ANKRD36B: variants seen among roughly 807,000 people sequenced by gnomAD.
ANKRD36B encodes ankyrin repeat domain 36B.
Under a neutral mutation model 135.7 loss-of-function variants are expected in ANKRD36B, and 37 were observed. That is an observed-to-expected ratio of 0.27 (90% CI 0.21 to 0.36). The LOEUF is 0.36. Among genes scored for constraint, ANKRD36B ranks in the 10% least tolerant of loss-of-function variants. ANKRD36B has a pLI of 1.00. For synonymous variants in ANKRD36B, 179 were observed against 348.1 expected (o/e 0.51, Z 5.41); for missense variants, 549 against 1,037.1 (o/e 0.53, Z 6.46).
chr2:97,544,572 G>C (rs1395050013), intron 24 of ANKRD36B, among the ~76,000 whole-genome samples: 1 of 96,344 alleles, frequency 1.0e-5, no homozygotes, highest in Non-Finnish European at 2.8e-5. Context: ...CACCCCTGTG[G>C]TGTAATAATT....
chr2:97,573,767 G>C (rs987733743), intron 6 of ANKRD36B, among the ~76,000 whole-genome samples: 7 of 152,106 alleles, frequency 4.6e-5, no homozygotes, highest in African/African-American at 7.2e-5. Flanking sequence ...TGACAAACCT[G>C]AGAAAAACAA....
intron 6 of ANKRD36B, among the ~76,000 whole-genome samples, chr2:97,563,162 A>G (rs1317787843): frequency 6.6e-6 from 1 of 152,008 alleles, no homozygotes; most frequent in Admixed American, 6.6e-5. Context: ...AATATAACCT[A>G]TTTAAAAACT....
At chr2:97,586,362 G>A (rs1206879698) in intron 1 of ANKRD36B, among the ~76,000 whole-genome samples, 4 of 149,542 alleles carry the variant, frequency 2.7e-5, no homozygotes, top group East Asian at 2.0e-4. Flanking sequence ...GGCAGTTAAA[G>A]GTTATCTTTC....
At chr2:97,547,882 G>A (rs2079631085) in intron 20 of ANKRD36B, among the ~76,000 whole-genome samples, 151 bp from the exon 21 acceptor site, 1 of 151,782 alleles carries the variant, frequency 6.6e-6, no homozygotes, top group African/African-American at 2.4e-5. Flanking sequence ...ACTAGAACAT[G>A]ACAGAAATAC....
rs1224748391 is a variant in ANKRD36B at position 97,580,535 on chromosome 2, G to A, written c.484C>T (p.Arg162Ter). 1 of 1,546,528 alleles carries A rather than the reference G, an allele frequency of 6.5e-7. No individual in the cohort carries two copies. The highest frequency in any genetic ancestry group is 2.5e-5 in the East Asian group (1 of 40,710). ...AATTCCACCATTTTCACTTTTCTTC[G>A]ACTCACAGCAAGTAACAGTGGCTGA... ...EYQPLLLAVS[R>*]RKVKMVEFLL... is the part of the protein sequence containing the mutation. The change falls in exon 4 of 44, where the codon CGA becomes TGA. Residue 162 changes from arginine to a stop codon, truncating the protein, a stop_gained. Transcript: ENST00000359901. LOFTEE classifies it high-confidence loss of function.
chr2:97,589,616 T>TCC lies in ANKRD36B; in HGVS notation c.68_69dup (p.Ile24GlyfsTer14). 2 of 1,613,948 alleles carry TCC rather than the reference T, an allele frequency of 1.2e-6. No individual in the cohort carries two copies. The highest frequency in any genetic ancestry group is 1.7e-6 in the Non-Finnish European group (2 of 1,179,988). The stretch of plus-strand genomic sequence containing the variant: ...TTACCACGTAAGACAGCTCTGTGGA[T>TCC]CCTCTTCAGATGATACGGTTTAATG... On this transcript the variant is annotated frameshift_variant, in exon 1 of 44. Coordinates refer to ENST00000359901, the MANE Select transcript of ANKRD36B (RefSeq NM_001393939.1). LOFTEE classifies it high-confidence loss of function.
chr2:97,560,831 C>T lies in ANKRD36B; in HGVS notation c.792+1G>A, dbSNP rs757841915. 2 of 1,570,052 alleles carry T rather than the reference C, an allele frequency of 1.3e-6. No individual in the cohort carries two copies. Among genetic ancestry groups the T allele is most frequent in the Admixed American group, 1.7e-5 (1 of 57,448 alleles). ...CAACATATAAATGAGACTTTAATTACCTTCTCAGCTCGTTGTTTCTGAGGA... is the reference window on the plus strand; with the variant it reads ...CAACATATAAATGAGACTTTAATTATCTTCTCAGCTCGTTGTTTCTGAGGA... On this transcript the variant is annotated splice_donor_variant, in intron 7 of 43. Transcript: ENST00000359901. LOFTEE classifies it high-confidence loss of function.
chr2:97,549,033 G>T (rs1325730121), intron 20 of ANKRD36B, among the ~76,000 whole-genome samples: 55 of 151,770 alleles, frequency 3.6e-4, no homozygotes, highest in African/African-American at 1.1e-3. Context: ...CAACAAGTTT[G>T]CTGTCTGTTT....
In ANKRD36B at chr2:97,541,411, T is replaced by C. The variant is rs1027991416; in HGVS notation, c.1885+500A>G. Among the ~76,000 whole-genome samples, 18 of 96,200 alleles carry C rather than the reference T, an allele frequency of 1.9e-4. 4 individuals are homozygous for C. Among genetic ancestry groups the C allele is most frequent in the African/African-American group, 5.6e-4 (18 of 32,208 alleles). 63.1% of individuals were successfully genotyped at this position (96,200 alleles called of 152,430 possible). A position where few individuals can be genotyped will look rare whatever the true frequency, so the allele number is the denominator to read the frequency against. On this transcript the variant is annotated intron_variant, in intron 28 of 43. Coordinates refer to ENST00000359901, the MANE Select transcript of ANKRD36B (RefSeq NM_001393939.1). ...CCTCAACAGAAACCCCAAAATTACATAAATAACTTCTTCTTTTCTCTCCTT... is the reference window on the plus strand; with the variant it reads ...CCTCAACAGAAACCCCAAAATTACACAAATAACTTCTTCTTTTCTCTCCTT...
At chr2:97,537,400 C>T (rs577530012) in intron 32 of ANKRD36B, among the ~76,000 whole-genome samples, 1 of 96,746 alleles carries the variant, frequency 1.0e-5, no homozygotes, top group African/African-American at 3.1e-5. Flanking sequence ...TTTAACAAGA[C>T]AGCCAGCACT....
At chr2:97,555,943 A>T (rs1056185706) in intron 12 of ANKRD36B, among the ~76,000 whole-genome samples, 1 of 151,888 alleles carries the variant, frequency 6.6e-6, no homozygotes, top group Non-Finnish European at 1.5e-5. Flanking sequence ...ATCTAAAAGT[A>T]CAATAAATTA....
rs2078654890 is a variant in ANKRD36B, at chr2:97,532,558, T to TA, written c.2192-175dup. ...TAACAAGGTGAAACCTCGTCTCTAC[T>TA]AAAAAATACAAAAAATTAACTGGGC... On this transcript the variant is annotated intron_variant, in intron 34 of 43. Coordinates refer to ENST00000359901, the MANE Select transcript of ANKRD36B (RefSeq NM_001393939.1). Among the ~76,000 whole-genome samples, 3 of 94,756 alleles carry TA rather than the reference T, an allele frequency of 3.2e-5. 1 individual carries two copies. The highest frequency in any genetic ancestry group is 9.5e-5 in the African/African-American group (3 of 31,574). 62.2% of individuals were successfully genotyped at this position (94,756 alleles called of 152,430 possible).
chr2:97,587,739 G>T (rs998798700), intron 1 of ANKRD36B, among the ~76,000 whole-genome samples: 1 of 152,126 alleles, frequency 6.6e-6, no homozygotes, highest in Non-Finnish European at 1.5e-5. Flanking sequence ...TATTTGAAAA[G>T]TCATCAGAAA....
Position 97,551,350 on chromosome 2 carries a change from A to G in ANKRD36B, c.1314T>C (p.Asp438=). The G allele has an allele frequency of 1.3e-6, 2 of 1,594,000 alleles. No individual in the cohort carries two copies. The highest frequency in any genetic ancestry group is 2.2e-5 in the South Asian group (2 of 89,600). ...QKKPALKATS[D]EKDSFSNITR... ...TTATATTCGAAAAAGAATCTTTCTCATCACTTGTGGCCTGAATGGAATTTG... is the reference window on the plus strand; with the variant it reads ...TTATATTCGAAAAAGAATCTTTCTCGTCACTTGTGGCCTGAATGGAATTTG... Residue 438 remains aspartate (D), a synonymous_variant, in exon 18 of 44, where the codon GAT becomes GAC. Coordinates refer to ENST00000359901, the MANE Select transcript of ANKRD36B (RefSeq NM_001393939.1).
chr2:97,581,261 C>T (rs574696893), intron 3 of ANKRD36B, among the ~76,000 whole-genome samples: 2 of 151,810 alleles, frequency 1.3e-5, no homozygotes, highest in African/African-American at 2.4e-5. Flanking sequence ...TAGAGGTTTC[C>T]TCTGGGTGAT....
chr2:97,579,246 G>A (rs898768304), intron 4 of ANKRD36B, among the ~76,000 whole-genome samples: 13 of 147,282 alleles, frequency 8.8e-5, no homozygotes, highest in African/African-American at 3.2e-4. Flanking sequence ...GAAGCCTCTT[G>A]TCCCACTGTG....
intron 18 of ANKRD36B, among the ~76,000 whole-genome samples, chr2:97,549,893 A>G (rs78226498): frequency 6.6e-6 from 1 of 152,060 alleles, no homozygotes; most frequent in Non-Finnish European, 1.5e-5. Context: ...TGCATAGGCC[A>G]AGTGATGAGA....
Position 97,527,686 on chromosome 2 carries a change from T to C in ANKRD36B, c.2266-4219A>G, listed in dbSNP as rs370548549. 4.3e-5 allele frequency among the ~76,000 whole-genome samples: 4 copies of C among 93,836 alleles called. 2 individuals are homozygous for C. The highest frequency in any genetic ancestry group is 1.1e-4 in the Non-Finnish European group (4 of 35,280). 61.6% of individuals were successfully genotyped at this position (93,836 alleles called of 152,430 possible). On this transcript the variant is annotated intron_variant, in intron 35 of 43. Coordinates refer to ENST00000359901, the MANE Select transcript of ANKRD36B (RefSeq NM_001393939.1). The stretch of plus-strand genomic sequence containing the variant: ...TCTCACATGCAGAGACACACATAGG[T>C]TCAAAATAAAAGGATGGAGGAAGAT...
At chr2:97,556,767 C>A (rs2080566483) in intron 12 of ANKRD36B, among the ~76,000 whole-genome samples, 170 bp downstream of exon 12, 2 of 151,884 alleles carry the variant, frequency 1.3e-5, no homozygotes, top group South Asian at 4.1e-4. Flanking sequence ...AAGATCATGA[C>A]CAAGGACCAG....
Sources: gnomAD v4.1 joint callset for allele counts (sites outside exome capture counted in the v4.1 genomes callset) on GRCh38, gnomAD v4.1.1 for gene constraint, MANE v1.5 for transcripts, NCBI Gene and HGNC (gene_info 2026-07-23, HGNC 2026-07-21) for gene names.